The following MICAL3 variants were observed in gnomAD, a reference collection of about 807,000 sequenced individuals.
MICAL3 encodes the protein [F-actin]-monooxygenase MICAL3.
A neutral mutation model predicts 207.4 loss-of-function variants in MICAL3; 62 were observed. That is an observed-to-expected ratio of 0.30 (90% CI 0.24 to 0.37). The LOEUF (loss-of-function observed/expected upper bound fraction) is 0.37. MICAL3 is among the 10% of genes least tolerant of loss of function. The pLI is 1.00. For missense variants in MICAL3, 2,368 were observed against 2,635.6 expected (o/e 0.90, Z 2.22); for synonymous variants, 1,077 against 1,069.3 (o/e 1.01, Z -0.14).
At chr22:17,834,424 TC>T in intron 20 of MICAL3, 2 of 1,285,790 alleles carry the variant, frequency 1.6e-6, no homozygotes, top group Non-Finnish European at 2.0e-6. Context: ...CAGAAAAGAC[TC>T]TTATGCTCAG....
Position 17,819,075 on chromosome 22 carries a change from G to A in MICAL3, c.3586C>T (p.Arg1196Cys), listed in dbSNP as rs775565442. 3 of 1,549,344 alleles carry A rather than the reference G, an allele frequency of 1.9e-6. No individual in the cohort carries two copies. Among genetic ancestry groups the A allele is most frequent in the East Asian group, 2.3e-5 (1 of 44,100 alleles). ...GGGAGCAAAGGCTCAGGGAAAAGGC[G>A]CTCCTCAGGTGATTTCTCCTGGGTG... is the stretch of plus-strand genomic sequence containing the variant. ...AATQEKSPEERLFPEPLLPKE... is the reference protein window; with the variant it reads ...AATQEKSPEECLFPEPLLPKE... Residue 1196 changes from arginine to cysteine, a missense_variant, in exon 26 of 32, where the codon CGC becomes TGC. Around this residue, in one of 4 missense-constraint regions of MICAL3, gnomAD observed 1,770 missense variants for 1,863.2 expected, o/e 0.95. Transcript: ENST00000441493.
chr22:17,817,263 C>CCGCACCCCTCT, intron 26 of MICAL3, 48 bp downstream of exon 26: 1 of 1,520,856 alleles, frequency 6.6e-7, no homozygotes, highest in East Asian at 2.4e-5. Context: ...CCAGCCCCTC[C>CCGCACCCCTCT]CGCACCCCTC....
At chr22:17,994,682 G>A (rs1191851747) in intron 1 of MICAL3, among the ~76,000 whole-genome samples, 2 of 151,672 alleles carry the variant, frequency 1.3e-5, no homozygotes, top group African/African-American at 2.4e-5. Flanking sequence ...ACTCCAGCTG[G>A]GGCCACTCCA....
At position 17,797,419 on chromosome 22, in the gene MICAL3, G is replaced by A. The variant is rs577744975; in HGVS notation, c.5651-6118C>T. Among the ~76,000 whole-genome samples the A allele has an allele frequency of 8.5e-5, 13 of 152,230 alleles. No homozygotes were observed. The East Asian group carries it at 1.2e-3, about 14-fold the overall frequency. The stretch of plus-strand genomic sequence containing the variant: ...TACGGTGGGAGGGCTGCTTGAGCCC[G>A]GGAGGTCAAGGCTGCAGAGAGCCGT... On this transcript the variant is annotated intron_variant, in intron 29 of 31. Transcript: ENST00000441493.
At chr22:17,881,276 A>G in intron 16 of MICAL3, 2 of 1,610,836 alleles carry the variant, frequency 1.2e-6, no homozygotes, top group Non-Finnish European at 1.7e-6. Flanking sequence ...TTTTTGGGGC[A>G]GGTCCGAGAA....
intron 1 of MICAL3, among the ~76,000 whole-genome samples, chr22:17,943,792 C>T (rs1176107463): frequency 6.6e-6 from 1 of 152,242 alleles, no homozygotes; most frequent in Non-Finnish European, 1.5e-5. Context: ...AGCCACCAAT[C>T]AGCACAGAGA....
chr22:17,937,210 T>G (rs967701344), intron 1 of MICAL3, among the ~76,000 whole-genome samples: 1 of 152,222 alleles, frequency 6.6e-6, no homozygotes, highest in African/African-American at 2.4e-5. Context: ...TTGGCTTCTT[T>G]CCATCATTAC....
chr22:17,855,884 C>T (rs552642221), intron 19 of MICAL3, among the ~76,000 whole-genome samples: 12 of 152,362 alleles, frequency 7.9e-5, no homozygotes, highest in Admixed American at 2.6e-4. Context: ...CCCACGCTGC[C>T]GAGCCCAGGC....
At chr22:17,822,271 T>C in intron 23 of MICAL3, 101 bp from the exon 24 acceptor site, 1 of 1,408,194 alleles carries the variant, frequency 7.1e-7, no homozygotes, top group Non-Finnish European at 9.5e-7. Context: ...GCAACACAGC[T>C]GCTCAGGTGC....
chr22:18,016,594 G>A (rs1011269183), intron 1 of MICAL3, among the ~76,000 whole-genome samples: 1 of 151,992 alleles, frequency 6.6e-6, no homozygotes, highest in Admixed American at 6.6e-5. Flanking sequence ...TTATATAATT[G>A]GAATCATATA....
In MICAL3 at chr22:17,930,570, G is replaced by C. The variant is rs114275625; in HGVS notation, c.-74-23684C>G. Among the ~76,000 whole-genome samples, 357 of 152,280 alleles carry C rather than the reference G, an allele frequency of 2.3e-3. 1 individual carries two copies. Among genetic ancestry groups the C allele is most frequent in the African/African-American group, 7.8e-3 (326 of 41,558 alleles). ...AGACACAGGACAGAAAATACTGCAC[G>C]ACTCCATGTACACAAAGACAAGAAC... On this transcript the variant is annotated intron_variant, in intron 1 of 31. Coordinates refer to ENST00000441493, the MANE Select transcript of MICAL3 (RefSeq NM_015241.3).
rs1359080804 is a variant in MICAL3, at chr22:17,889,108, T to G, written c.1817A>C (p.Glu606Ala). ...CATCACCATGGACAGCTTATCAGGC[T>G]CCCCCACGGAGGCCATTTCTTTGCC... Reference protein sequence around the residue: ...MTGKEMASVGEPDKLSMVMYL... With the variant: ...MTGKEMASVGAPDKLSMVMYL... The change falls in exon 13 of 32, where the codon GAG (glutamate) becomes GCG (alanine). Residue 606 changes from glutamate (E) to alanine (A), a missense_variant. Physicochemically the swap from Glu to Ala is moderately radical, Grantham distance 107 (BLOSUM62 -1). Transcript: ENST00000441493. The G allele has an allele frequency of 1.9e-6, 3 of 1,613,462 alleles. No homozygotes were observed.
intron 20 of MICAL3, among the ~76,000 whole-genome samples, chr22:17,832,800 G>A (rs1260614936): frequency 6.6e-6 from 1 of 152,178 alleles, no homozygotes; most frequent in Non-Finnish European, 1.5e-5. Context: ...CAAGGTCTGT[G>A]TGCTGGGGTG....
chr22:18,007,451 G>C (rs1299627553), intron 1 of MICAL3: 1 of 151,182 alleles, frequency 6.6e-6, no homozygotes, highest in Non-Finnish European at 1.5e-5. Flanking sequence ...CTTTTTTAGA[G>C]TCAGGGTCTT....
At chr22:17,807,813 T>C (rs903997280) in intron 29 of MICAL3, among the ~76,000 whole-genome samples, 1 of 152,204 alleles carries the variant, frequency 6.6e-6, no homozygotes, top group Non-Finnish European at 1.5e-5. Context: ...TCCTCCCAGT[T>C]CGTCCATTTC....
intron 1 of MICAL3, among the ~76,000 whole-genome samples, chr22:17,983,832 C>T (rs1278014789): frequency 6.6e-6 from 1 of 152,000 alleles, no homozygotes; most frequent in Non-Finnish European, 1.5e-5. Flanking sequence ...TATCAGACTC[C>T]GAGAGAATAT....
At chr22:17,925,526 T>C (rs1932899643) in intron 1 of MICAL3, among the ~76,000 whole-genome samples, 1 of 152,114 alleles carries the variant, frequency 6.6e-6, no homozygotes, top group Non-Finnish European at 1.5e-5. Context: ...AAGAAGTTGA[T>C]ATCTACTTGT....
At chr22:17,953,089 A>C (rs1446208675) in intron 1 of MICAL3, among the ~76,000 whole-genome samples, 1 of 151,970 alleles carries the variant, frequency 6.6e-6, no homozygotes, top group Non-Finnish European at 1.5e-5. Flanking sequence ...GTGCACAGCC[A>C]CTCCAGCCCT....
At chr22:17,811,426 G>A (rs2062046574) in intron 27 of MICAL3, 2 of 152,510 alleles carry the variant, frequency 1.3e-5, no homozygotes, top group African/African-American at 2.4e-5. Context: ...AGTACAGTCT[G>A]AAGAAGGAAT....
Sources: allele counts gnomAD v4.1 joint callset (sites outside exome capture counted in the v4.1 genomes callset), GRCh38; gene constraint gnomAD v4.1.1; regional missense constraint gnomAD v4.1.1; transcripts MANE v1.5; gene names NCBI Gene and HGNC (gene_info 2026-07-23, HGNC 2026-07-21).